The following CNKSR3 variants were observed in gnomAD, a reference collection of about 807,000 sequenced individuals.
CNKSR3 encodes the protein CNKSR family member 3, also known as connector enhancer of kinase suppressor of ras 3.
CNKSR3 carries 36 observed loss-of-function variants against 67.7 expected under a neutral mutation model. The observed-to-expected ratio is 0.53, with a 90% CI of 0.41 to 0.70. CNKSR3 has a LOEUF of 0.70. Among genes scored for constraint, CNKSR3 ranks in the 30% least tolerant of loss-of-function variants. The pLI is 0.00. For synonymous variants in CNKSR3, 281 were observed against 271.4 expected (o/e 1.04, Z -0.35); for missense variants, 630 against 695.2 (o/e 0.91, Z 1.05).
At chr6:154,469,808 T>C (rs1022065214) in intron 1 of CNKSR3, among the ~76,000 whole-genome samples, 1 of 152,182 alleles carries the variant, frequency 6.6e-6, no homozygotes, top group Non-Finnish European at 1.5e-5. Context: ...TGTGTAACAT[T>C]TGACTTTCCC....
At chr6:154,434,809 T>C (rs1262646543) in intron 4 of CNKSR3, among the ~76,000 whole-genome samples, 1 of 152,180 alleles carries the variant, frequency 6.6e-6, no homozygotes, top group African/African-American at 2.4e-5. Flanking sequence ...CAAATGTGCT[T>C]TTCCAATTCT....
At chr6:154,476,328 G>A (rs1786449147) in intron 1 of CNKSR3, among the ~76,000 whole-genome samples, 1 of 152,050 alleles carries the variant, frequency 6.6e-6, no homozygotes, top group South Asian at 2.1e-4. Context: ...GTGCTGGCAG[G>A]TGCCTGTAAC....
At chr6:154,507,898 A>T (rs1278628176) in intron 1 of CNKSR3, among the ~76,000 whole-genome samples, 1 of 152,190 alleles carries the variant, frequency 6.6e-6, no homozygotes, top group East Asian at 1.9e-4. Flanking sequence ...TACTCAACAA[A>T]CATAACAGGA....
rs765894938 is a variant in CNKSR3, at chr6:154,410,935, A to G, written c.1278T>C (p.Tyr426=). 1.2e-6 allele frequency: 2 copies of G among 1,610,404 alleles called. No homozygotes were observed. Among genetic ancestry groups the G allele is most frequent in the South Asian group, 1.1e-5 (1 of 90,604 alleles). ...ACAAAACAAACACTTGAAACTTACC[A>G]TAAGATGGTGTTTTCTCTCTCATTT... ...PTKMREKTPS[Y]GKPRPLSMPA... Residue 426 remains tyrosine (Y), a splice_region_variant and synonymous_variant, in exon 11 of 13, where the codon TAT becomes TAC. Coordinates refer to ENST00000607772, the MANE Select transcript of CNKSR3 (RefSeq NM_173515.4).
At chr6:154,509,913 A>C in intron 1 of CNKSR3, 150 bp downstream of exon 1, 2 of 835,836 alleles carry the variant, frequency 2.4e-6, no homozygotes, top group Non-Finnish European at 3.9e-6. Flanking sequence ...ATAGGAGCGC[A>C]CAGGCCACTC....
At chr6:154,449,449 A>C (rs1247052393) in intron 2 of CNKSR3, among the ~76,000 whole-genome samples, 2 of 152,060 alleles carry the variant, frequency 1.3e-5, no homozygotes, top group African/African-American at 4.8e-5. Flanking sequence ...CAGCCTCCTG[A>C]ATATCTGCGA....
At chr6:154,424,796 C>T (rs1305446369) in intron 7 of CNKSR3, among the ~76,000 whole-genome samples, 1 of 152,108 alleles carries the variant, frequency 6.6e-6, no homozygotes, top group Non-Finnish European at 1.5e-5. Context: ...GAGACAGTCT[C>T]ACTCACGCTC....
At chr6:154,454,104 C>CACACACACACACAGAGAGAG (rs1268729108) in intron 1 of CNKSR3, among the ~76,000 whole-genome samples, 1 of 116,340 alleles carries the variant, frequency 8.6e-6, no homozygotes, top group African/African-American at 3.4e-5. Context: ...CACACACACA[C>CACACACACACACAGAGAGAG]AGAGAGAGAG....
At chr6:154,419,788 A>C (rs1028891970) in intron 9 of CNKSR3, among the ~76,000 whole-genome samples, 2 of 152,180 alleles carry the variant, frequency 1.3e-5, no homozygotes, top group Non-Finnish European at 2.9e-5. Context: ...TAAAAAAAGA[A>C]GGAAATGCTC....
chr6:154,503,959 C>G (rs1787046290), intron 1 of CNKSR3, among the ~76,000 whole-genome samples: 1 of 152,184 alleles, frequency 6.6e-6, no homozygotes, highest in African/African-American at 2.4e-5. Flanking sequence ...CAGTGCTTCT[C>G]TAATTGTGAT....
In CNKSR3 at chr6:154,388,389, A is replaced by G. The variant is rs1481547463; in HGVS notation, c.*17965T>C. ...ATAGTATTCCATTGTATGTGTATAT[A>G]CATTTTCTTTATTCATTTCTCCGCC... On this transcript the variant is annotated 3_prime_UTR_variant, in exon 13 of 13. Transcript: ENST00000607772. The G allele has an allele frequency of 2.6e-5, 4 of 152,220 alleles. No homozygotes were observed. Among genetic ancestry groups the G allele is most frequent in the Non-Finnish European group, 5.9e-5 (4 of 68,034 alleles). 9.4% of individuals were successfully genotyped at this position (152,220 alleles called of 1,614,324 possible). A position where few individuals can be genotyped will look rare whatever the true frequency, so the allele number is the denominator to read the frequency against.
intron 2 of CNKSR3, among the ~76,000 whole-genome samples, chr6:154,444,900 C>T (rs572407533): frequency 4.6e-5 from 7 of 152,176 alleles, no homozygotes; most frequent in Admixed American, 6.5e-5. Context: ...CCACTGCACC[C>T]GGCTGTGGAG....
intron 1 of CNKSR3, among the ~76,000 whole-genome samples, chr6:154,458,787 C>CT (rs1459970556): frequency 6.6e-6 from 1 of 152,192 alleles, no homozygotes; most frequent in African/African-American, 2.4e-5. Context: ...CACCCACGCA[C>CT]ACTACTAATT....
chr6:154,474,426 T>G (rs200328266), intron 1 of CNKSR3, among the ~76,000 whole-genome samples: 251 of 140,982 alleles, frequency 1.8e-3, no homozygotes, highest in Middle Eastern at 7.7e-3. Flanking sequence ...AAAAAAAAAG[T>G]GGGGGGGGGC....
At chr6:154,509,977 G>A (rs1787181317) in intron 1 of CNKSR3, 86 bp downstream of exon 1, 12 of 1,463,314 alleles carry the variant, frequency 8.2e-6, no homozygotes, top group Non-Finnish European at 1.1e-5. Flanking sequence ...TCGCCGGGAG[G>A]AAGGGCCAAG....
At chr6:154,410,470 A>T in intron 11 of CNKSR3, 38 bp from the exon 12 acceptor site, 1 of 1,448,192 alleles carries the variant, frequency 6.9e-7, no homozygotes, top group African/African-American at 1.4e-5. Flanking sequence ...AAGTTTGATG[A>T]GTTCTGGAAC....
intron 1 of CNKSR3, among the ~76,000 whole-genome samples, chr6:154,473,629 G>C (rs931222493): frequency 1.3e-5 from 2 of 152,182 alleles, no homozygotes; most frequent in African/African-American, 4.8e-5. Flanking sequence ...GAGTAGAGGT[G>C]AACGACAGAG....
chr6:154,421,992 T>C (rs1309811638), intron 9 of CNKSR3, among the ~76,000 whole-genome samples: 7 of 150,140 alleles, frequency 4.7e-5, no homozygotes, highest in Non-Finnish European at 5.9e-5. Flanking sequence ...TCATTCTTTT[T>C]TTTTTTTTTT....
chr6:154,496,767 T>C (rs1786886650), intron 1 of CNKSR3, among the ~76,000 whole-genome samples: 1 of 152,216 alleles, frequency 6.6e-6, no homozygotes, highest in Non-Finnish European at 1.5e-5. Flanking sequence ...CTCTAGAATT[T>C]TGAGTGGTAA....
Sources: allele counts gnomAD v4.1 joint callset (sites outside exome capture counted in the v4.1 genomes callset), GRCh38; gene constraint gnomAD v4.1.1; transcripts MANE v1.5; gene names NCBI Gene and HGNC (gene_info 2026-07-23, HGNC 2026-07-21).